Variants in LITAF observed in about 807,000 individuals in gnomAD.
LITAF encodes the protein lipopolysaccharide induced TNF factor, also known as lipopolysaccharide-induced tumor necrosis factor-alpha factor.
A neutral mutation model predicts 14.5 loss-of-function variants in LITAF; 9 were observed. That is an observed-to-expected ratio of 0.62 (90% CI 0.37 to 1.08). The LOEUF (loss-of-function observed/expected upper bound fraction) is 1.08, where lower values mean the gene tolerates loss of function less well. LITAF is among the 50% of genes least tolerant of loss of function. The probability of loss-of-function intolerance (pLI) is 0.01; values close to 1 mark genes in which losing one functional copy is unlikely to be tolerated. For missense variants in LITAF, 206 were observed against 213.4 expected (o/e 0.97, Z 0.22); for synonymous variants, 98 against 88.2 (o/e 1.11, Z -0.62).
At chr16:11,578,483 A>G (rs2064679706) in intron 1 of LITAF, among the ~76,000 whole-genome samples, 2 of 152,184 alleles carry the variant, frequency 1.3e-5, no homozygotes, top group African/African-American at 4.8e-5. Flanking sequence ...GCGAGCCAAG[A>G]TCGCACCATT....
chr16:11,617,647 G>C (rs941640796), intron 3 of LITAF, among the ~76,000 whole-genome samples: 3 of 151,562 alleles, frequency 2.0e-5, no homozygotes, highest in East Asian at 1.9e-4. Context: ...GACTGGTCTC[G>C]AACTCCTGAC....
chr16:11,553,838 T>C lies in LITAF; in HGVS notation c.221-149A>G. The C allele has an allele frequency of 1.2e-6, 1 of 858,150 alleles. No individual in the cohort carries two copies. The highest frequency in any genetic ancestry group is 1.8e-6 in the Non-Finnish European group (1 of 543,390). The allele number at this position is 858,150 out of a possible 1,614,324, so 53.2% of individuals were successfully genotyped here. On this transcript the variant is annotated intron_variant, in intron 2 of 3. Transcript: ENST00000622633. The surrounding 1 kb of genome is among the most constrained non-coding windows in gnomAD (Gnocchi z 7.7). ...AGCATGCGTTCATCGTCTGGCTATCTATGAGAGCCAAAAGGGGAAGGAACA... is the reference window on the plus strand; with the variant it reads ...AGCATGCGTTCATCGTCTGGCTATCCATGAGAGCCAAAAGGGGAAGGAACA...
upstream of LITAF, among the ~76,000 whole-genome samples, chr16:11,637,996 ATATATATCTATATATATCTATATATATC>A (rs2065147258): frequency 4.5e-5 from 3 of 66,436 alleles, no homozygotes; most frequent in Non-Finnish European, 8.1e-5. Context: ...ATATATATCT[ATATATATCTATATATATCTATATATATC>A]TATATATCTA....
chr16:11,553,518 G>A lies in LITAF; in HGVS notation c.377+15C>T, dbSNP rs748679590. On this transcript the variant is annotated intron_variant, in intron 3 of 3. Coordinates refer to ENST00000622633, the MANE Select transcript of LITAF (RefSeq NM_001136472.2). This position sits in a 1 kb window ranked among gnomAD's most constrained non-coding sequence, Gnocchi z 7.7. ...AGGGCAGGATGGCTTGGGGCCAAGT[G>A]GGAGGCAGACTCACCCCAGCAGGCA... The A allele has an allele frequency of 1.2e-6, 2 of 1,613,628 alleles. No homozygotes were observed. The highest frequency in any genetic ancestry group is 2.2e-5 in the East Asian group (1 of 44,852).
intron 1 of LITAF, among the ~76,000 whole-genome samples, chr16:11,568,091 C>T (rs2064482911): frequency 6.6e-6 from 1 of 152,098 alleles, no homozygotes. Context: ...AGTTCGAGAC[C>T]AGCCTGGGCA....
intron 3 of LITAF, among the ~76,000 whole-genome samples, chr16:11,627,834 A>G (rs2065093283): frequency 6.6e-6 from 1 of 151,876 alleles, no homozygotes; most frequent in Non-Finnish European, 1.5e-5. Context: ...ACAGAGCAAG[A>G]CTCAATATCA....
At chr16:11,595,660 C>A (rs932172841) in intron 1 of LITAF, among the ~76,000 whole-genome samples, 1 of 152,060 alleles carries the variant, frequency 6.6e-6, no homozygotes, top group African/African-American at 2.4e-5. Flanking sequence ...ACCTGGGAGG[C>A]GGAGCTTGCA....
chr16:11,581,064 C>T (rs559647545), intron 1 of LITAF, among the ~76,000 whole-genome samples: 4 of 152,224 alleles, frequency 2.6e-5, no homozygotes, highest in South Asian at 2.1e-4. Flanking sequence ...CACGCCCAGC[C>T]GCTTATTCCT....
chr16:11,631,892 CA>C (rs1272328140), intron 3 of LITAF, among the ~76,000 whole-genome samples: 2 of 148,552 alleles, frequency 1.3e-5, no homozygotes, highest in Non-Finnish European at 3.0e-5. Context: ...GCTCTGTCTA[CA>C]GGCTGGAGTG....
intron 3 of LITAF, among the ~76,000 whole-genome samples, chr16:11,622,853 C>T (rs1232070713): frequency 6.6e-6 from 1 of 151,816 alleles, no homozygotes; most frequent in Non-Finnish European, 1.5e-5. Context: ...TGAGAACAGA[C>T]CTTTCATGGG....
At chr16:11,619,323 CA>C (rs577769909) in intron 3 of LITAF, among the ~76,000 whole-genome samples, 2,832 of 135,890 alleles carry the variant, frequency 0.021, 82 homozygotes, top group African/African-American at 0.071. Context: ...AAACAAAAAA[CA>C]AAAAAAAAAA....
intron 1 of LITAF, among the ~76,000 whole-genome samples, chr16:11,561,754 C>G (rs2064369980): frequency 6.6e-6 from 1 of 152,042 alleles, no homozygotes; most frequent in Admixed American, 6.6e-5. Flanking sequence ...TTTGGCTTAT[C>G]TCCTGGGATA....
intron 3 of LITAF, among the ~76,000 whole-genome samples, chr16:11,606,764 A>G (rs1301174511): frequency 2.6e-5 from 4 of 151,914 alleles, no homozygotes; most frequent in African/African-American, 9.7e-5. Flanking sequence ...CCTCCCGAGT[A>G]GCTGGGACTA....
intron 1 of LITAF, among the ~76,000 whole-genome samples, chr16:11,562,956 T>G (rs2064393998): frequency 6.6e-6 from 1 of 151,602 alleles, no homozygotes; most frequent in African/African-American, 2.4e-5. Context: ...CTTTAAAAAT[T>G]TTTTTTAATT....
chr16:11,599,832 G>A (rs2064916499), upstream of LITAF, among the ~76,000 whole-genome samples: 1 of 152,044 alleles, frequency 6.6e-6, no homozygotes, highest in Non-Finnish European at 1.5e-5. Context: ...CCTCCTGCCT[G>A]GACTGCAGGC....
chr16:11,603,861 A>G (rs1350413070), intron 3 of LITAF, among the ~76,000 whole-genome samples: 1 of 151,916 alleles, frequency 6.6e-6, no homozygotes, highest in Non-Finnish European at 1.5e-5. Context: ...TGGCTAACAC[A>G]GTGAAACCCC....
rs186043243 is a variant in LITAF, at chr16:11,566,599, A to G, written c.-5-9864T>C. ...GGCAACATAGTGAGATGCCATCTCT[A>G]CTAACAATCAAACAAATCAGCTGGG... is the stretch of plus-strand genomic sequence containing the variant. On this transcript the variant is annotated intron_variant, in intron 1 of 3. Transcript: ENST00000622633. 1.5e-4 allele frequency among the ~76,000 whole-genome samples: 23 copies of G among 152,272 alleles called. No individual in the cohort carries two copies. In the East Asian group the frequency reaches 3.1e-3, roughly 20 times the overall value.
intron 3 of LITAF, among the ~76,000 whole-genome samples, chr16:11,620,019 T>C (rs1174274969): frequency 2.0e-5 from 3 of 151,484 alleles, no homozygotes; most frequent in Non-Finnish European, 2.9e-5. Context: ...AATACAAAAA[T>C]TAGCCAGGTG....
At chr16:11,574,190 C>T (rs1214494756) in intron 1 of LITAF, among the ~76,000 whole-genome samples, 3 of 151,920 alleles carry the variant, frequency 2.0e-5, no homozygotes, top group Non-Finnish European at 4.4e-5. Flanking sequence ...TACAGGTGTG[C>T]ACCACCACAC....
Sources: allele counts gnomAD v4.1 joint callset (sites outside exome capture counted in the v4.1 genomes callset), GRCh38; gene constraint gnomAD v4.1.1; non-coding constraint Gnocchi (gnomAD v3.1); transcripts MANE v1.5; gene names NCBI Gene and HGNC (gene_info 2026-07-23, HGNC 2026-07-21).